The following DSCAM variants were observed in gnomAD, a reference collection of about 807,000 sequenced individuals.
DSCAM encodes the protein DS cell adhesion molecule.
In DSCAM, 47 loss-of-function variants were observed where a neutral mutation model predicts 217.7. That is an observed-to-expected ratio of 0.22 (90% confidence interval 0.17 to 0.28). The LOEUF (loss-of-function observed/expected upper bound fraction) is 0.28. Ranked by LOEUF, DSCAM falls within the 10% of genes least tolerant of loss-of-function variation. DSCAM has a pLI of 1.00. For synonymous variants in DSCAM, 1,056 were observed against 1,015.3 expected, an observed-to-expected ratio of 1.04 and a Z score of -0.76; for missense variants, 2,080 against 2,618.3, an observed-to-expected ratio of 0.79 and a Z score of 4.49.
intron 11 of DSCAM, among the ~76,000 whole-genome samples, chr21:40,241,696 C>A (rs558312667): frequency 6.6e-6 from 1 of 152,200 alleles, no homozygotes; most frequent in African/African-American, 2.4e-5. Context: ...CACATGCAAG[C>A]AAATGTTCAC....
At chr21:40,643,169 T>C (rs1255634124) in intron 3 of DSCAM, among the ~76,000 whole-genome samples, 1 of 152,234 alleles carries the variant, frequency 6.6e-6, no homozygotes, top group African/African-American at 2.4e-5. Flanking sequence ...ATCTGTCTGA[T>C]GGCTACTGCC....
intron 23 of DSCAM, 104 bp downstream of exon 23, chr21:40,085,498 T>G (rs922493881): frequency 1.7e-5 from 18 of 1,033,098 alleles, no homozygotes; most frequent in Non-Finnish European, 2.1e-5. Context: ...AAACAGAAGT[T>G]AGCTCTTTAT....
At chr21:40,575,987 T>C (rs756077285) in intron 3 of DSCAM, among the ~76,000 whole-genome samples, 1 of 152,172 alleles carries the variant, frequency 6.6e-6, no homozygotes, top group Non-Finnish European at 1.5e-5. Context: ...ACTGTTGGGA[T>C]GAAAAGTTGG....
intron 3 of DSCAM, among the ~76,000 whole-genome samples, chr21:40,468,283 C>T (rs1157142196): frequency 1.3e-5 from 2 of 152,150 alleles, no homozygotes; most frequent in Non-Finnish European, 2.9e-5. Flanking sequence ...AGGCACAGAC[C>T]TGTGTCCTGG....
At chr21:40,779,690 C>T (rs1052857663) in intron 1 of DSCAM, among the ~76,000 whole-genome samples, 4 of 152,058 alleles carry the variant, frequency 2.6e-5, no homozygotes, top group African/African-American at 9.7e-5. Flanking sequence ...CTTCAGAATA[C>T]ATAGTAAGTG....
At chr21:40,308,075 A>G (rs1038223067) in intron 9 of DSCAM, among the ~76,000 whole-genome samples, 2 of 152,114 alleles carry the variant, frequency 1.3e-5, no homozygotes, top group African/African-American at 4.8e-5. Context: ...CTAAAACTTA[A>G]AGAATAATAA....
At chr21:40,427,159 A>C (rs1338678137) in intron 3 of DSCAM, among the ~76,000 whole-genome samples, 1 of 152,170 alleles carries the variant, frequency 6.6e-6, no homozygotes, top group Non-Finnish European at 1.5e-5. Flanking sequence ...GGCCCAGCTG[A>C]CTGCTGCTCT....
At chr21:40,639,329 T>C (rs1193032643) in intron 3 of DSCAM, among the ~76,000 whole-genome samples, 4 of 152,198 alleles carry the variant, frequency 2.6e-5, no homozygotes. Flanking sequence ...GAGTTCTTTC[T>C]ACAATTTGCC....
intron 9 of DSCAM, among the ~76,000 whole-genome samples, chr21:40,310,748 C>T (rs182861421): frequency 2.5e-3 from 384 of 152,272 alleles, no homozygotes; most frequent in African/African-American, 8.3e-3. Context: ...CAAGAGTTAA[C>T]TCTGCTTATA....
intron 20 of DSCAM, among the ~76,000 whole-genome samples, chr21:40,097,957 AG>A (rs57091769): frequency 0.35 from 20,305 of 58,408 alleles, 6,014 homozygotes; most frequent in African/African-American, 0.42. Context: ...AAAAAAAAAA[AG>A]AAAGAAAGAA....
At chr21:40,844,819 G>A (rs562864615) in intron 1 of DSCAM, among the ~76,000 whole-genome samples, 2 of 152,050 alleles carry the variant, frequency 1.3e-5, no homozygotes, top group Non-Finnish European at 2.9e-5. Flanking sequence ...TGCTAAAACT[G>A]TAAATAAATA....
chr21:40,342,626 GTA>G lies in DSCAM; in HGVS notation c.1211-3213_1211-3212del, dbSNP rs1244685654. ...TATGTGTATATGTGTGTGTGTGTGT[GTA>G]TATATATATATATATATATATTTTT... On this transcript the variant is annotated intron_variant, in intron 6 of 32. Transcript: ENST00000400454. Among the ~76,000 whole-genome samples the G allele has an allele frequency of 4.4e-3, 419 of 94,704 alleles. 4 individuals carry two copies. Among genetic ancestry groups the G allele is most frequent in the Middle Eastern group, 0.023 (3 of 130 alleles). The allele number at this position is 94,704 out of a possible 152,430, so 62.1% of individuals were successfully genotyped here.
At position 40,198,757 on chromosome 21, in the gene DSCAM, G is replaced by A. The variant is rs570655034; in HGVS notation, c.2357-9519C>T. On this transcript the variant is annotated intron_variant, in intron 11 of 32. Coordinates refer to ENST00000400454, the MANE Select transcript of DSCAM (RefSeq NM_001389.5). Reference sequence around the variant, plus strand: ...AAAACCTATTCTGGAGAGGCAGTGGGAGGTGGGATGACATGGGAGCTGTGG... The same window carrying A: ...AAAACCTATTCTGGAGAGGCAGTGGAAGGTGGGATGACATGGGAGCTGTGG... 7.9e-5 allele frequency among the ~76,000 whole-genome samples: 12 copies of A among 152,366 alleles called. 1 individual carries two copies. In the South Asian group the frequency reaches 2.5e-3, roughly 32 times the overall value.
At chr21:40,394,567 C>T (rs1405017788) in intron 3 of DSCAM, among the ~76,000 whole-genome samples, 1 of 152,186 alleles carries the variant, frequency 6.6e-6, no homozygotes, top group Non-Finnish European at 1.5e-5. Flanking sequence ...CTTTTTGCTT[C>T]CCTGAGTCTT....
intron 1 of DSCAM, among the ~76,000 whole-genome samples, chr21:40,798,262 G>T (rs2091708843): frequency 1.3e-5 from 2 of 151,876 alleles, no homozygotes; most frequent in East Asian, 1.9e-4. Flanking sequence ...TTAAAATCCA[G>T]TATACCATCA....
chr21:40,684,182 G>A (rs993008787), intron 3 of DSCAM, among the ~76,000 whole-genome samples: 50 of 151,940 alleles, frequency 3.3e-4, no homozygotes, highest in African/African-American at 1.0e-3. Flanking sequence ...CCGAGATCGC[G>A]TCACTGCACT....
At chr21:40,642,756 A>G (rs1223763530) in intron 3 of DSCAM, among the ~76,000 whole-genome samples, 2 of 151,596 alleles carry the variant, frequency 1.3e-5, no homozygotes, top group African/African-American at 4.9e-5. Flanking sequence ...GCTAATTTTT[A>G]TTTTATTTTT....
intron 6 of DSCAM, among the ~76,000 whole-genome samples, chr21:40,345,651 C>A (rs1393305346): frequency 1.3e-5 from 2 of 152,110 alleles, no homozygotes; most frequent in Non-Finnish European, 2.9e-5. Flanking sequence ...CACAGTATTG[C>A]AAATTTTTAT....
At chr21:40,182,634 C>T (rs376107175) in intron 14 of DSCAM, among the ~76,000 whole-genome samples, 19 of 122,174 alleles carry the variant, frequency 1.6e-4, no homozygotes, top group South Asian at 2.6e-4. Context: ...CCAGAGAAAC[C>T]GTGGACAGGA....
Sources: gnomAD v4.1 joint callset for allele counts (sites outside exome capture counted in the v4.1 genomes callset) on GRCh38, gnomAD v4.1.1 for gene constraint, MANE v1.5 for transcripts, NCBI Gene and HGNC (gene_info 2026-07-23, HGNC 2026-07-21) for gene names.